USP2: variants seen among roughly 807,000 people sequenced by gnomAD.
USP2 encodes ubiquitin carboxyl-terminal hydrolase 2.
A neutral mutation model predicts 72.0 loss-of-function variants in USP2; 33 were observed. The observed-to-expected ratio is 0.46, with a 90% CI of 0.35 to 0.61. The LOEUF is 0.61. Ranked by LOEUF, USP2 falls within the 20% of genes least tolerant of loss-of-function variation. The pLI, the probability that USP2 is intolerant of heterozygous loss-of-function variation, is 0.01. For synonymous variants in USP2, 296 were observed against 312.5 expected, an observed-to-expected ratio of 0.95 and a Z score of 0.56; for missense variants, 691 against 797.8, an observed-to-expected ratio of 0.87 and a Z score of 1.61.
At chr11:119,363,924 C>T in intron 2 of USP2, 1 of 1,186,668 alleles carries the variant, frequency 8.4e-7, no homozygotes, top group Non-Finnish European at 1.1e-6. Flanking sequence ...GCGGCCGCAG[C>T]TCCTTGGCGA....
chr11:119,356,570 C>T lies in USP2; in HGVS notation c.*265G>A. 1 of 490,314 alleles carries T rather than the reference C, an allele frequency of 2.0e-6. No individual in the cohort carries two copies. The highest frequency in any genetic ancestry group is 3.6e-6 in the Non-Finnish European group (1 of 278,168). 30.4% of individuals were successfully genotyped at this position (490,314 alleles called of 1,614,324 possible). A position where few individuals can be genotyped will look rare whatever the true frequency, so the allele number is the denominator to read the frequency against. ...TTGTTTCTGACACATAGGAAGACCA[C>T]AAGTTTACAAATGCAAACGCCGAGG... On this transcript the variant is annotated 3_prime_UTR_variant, in exon 13 of 13. Coordinates refer to ENST00000260187, the MANE Select transcript of USP2 (RefSeq NM_004205.5).
At position 119,360,815 on chromosome 11, in the gene USP2, TTA is replaced by T. The variant is rs1357234794; in HGVS notation, c.775-583_775-582del. Reference sequence around the variant, plus strand: ...CTATGTATCTCCCTGCCCCCCATCTTTATGTTATTCTCTATTCTCTGCTACAG... The same window carrying T: ...CTATGTATCTCCCTGCCCCCCATCTTTGTTATTCTCTATTCTCTGCTACAG... On this transcript the variant is annotated intron_variant, in intron 2 of 12. Transcript: ENST00000260187. Among the ~76,000 whole-genome samples the T allele has an allele frequency of 3.9e-5, 6 of 152,322 alleles. No individual in the cohort carries two copies. In the East Asian group the frequency reaches 1.2e-3, roughly 29 times the overall value.
chr11:119,366,414 C>T (rs1950853335), intron 2 of USP2, among the ~76,000 whole-genome samples: 1 of 152,248 alleles, frequency 6.6e-6, no homozygotes, highest in Non-Finnish European at 1.5e-5. Context: ...CTAATTAACT[C>T]CACCCATCTC....
Position 119,357,847 on chromosome 11 carries a change from G to C in USP2, c.1423-12C>G. 1.2e-6 allele frequency: 2 copies of C among 1,613,542 alleles called. No individual in the cohort carries two copies. The highest frequency in any genetic ancestry group is 1.7e-6 in the Non-Finnish European group (2 of 1,179,604). Reference sequence around the variant, plus strand: ...CAGCGACAGCATGTCTGAGAGACAAGACAAACAGAAAGAACTTGTGGGGAA... The same window carrying C: ...CAGCGACAGCATGTCTGAGAGACAACACAAACAGAAAGAACTTGTGGGGAA... On this transcript the variant is annotated splice_polypyrimidine_tract_variant and intron_variant, in intron 9 of 12. Transcript: ENST00000260187.
In USP2 at chr11:119,373,017, G is replaced by A. The variant is rs1368829694; in HGVS notation, c.464C>T (p.Thr155Ile). 6.2e-7 allele frequency: 1 copy of A among 1,613,756 alleles called. No homozygotes were observed. The highest frequency in any genetic ancestry group is 8.5e-7 in the Non-Finnish European group (1 of 1,180,040). Residue 155 changes from threonine (T) to isoleucine (I), a missense_variant, in exon 2 of 13, where the codon ACC (threonine) becomes ATC (isoleucine). By Grantham distance (89) the Thr-to-Ile change is moderately conservative. Coordinates refer to ENST00000260187, the MANE Select transcript of USP2 (RefSeq NM_004205.5). ...GGGGTCTATCCGGTAGCTATCTGAG[G>A]TCCGGAGGCTGGAGAAATCCCGGGC... Reference protein sequence around the residue: ...DLARDFSSLRTSDSYRIDPRN... With the variant: ...DLARDFSSLRISDSYRIDPRN...
Position 119,356,018 on chromosome 11 carries a change from T to TG in USP2, c.*816dup, listed in dbSNP as rs1240721734. 1.9e-4 allele frequency: 28 copies of TG among 147,360 alleles called. No homozygotes were observed. The highest frequency in any genetic ancestry group is 6.8e-4 in the African/African-American group (27 of 39,852). The allele number at this position is 147,360 out of a possible 1,614,324, so 9.1% of individuals were successfully genotyped here. A position where few individuals can be genotyped will look rare whatever the true frequency, so the allele number is the denominator to read the frequency against. On this transcript the variant is annotated 3_prime_UTR_variant, in exon 13 of 13. Transcript: ENST00000260187. ...CCCAAATGCTATAAGGCACAATTCT[T>TG]GGAGGCAACTAAATTCCATTCAAAA... is the stretch of plus-strand genomic sequence containing the variant.
At chr11:119,364,431 GC>G (rs1305827549) in intron 2 of USP2, among the ~76,000 whole-genome samples, 2 of 152,146 alleles carry the variant, frequency 1.3e-5, no homozygotes, top group African/African-American at 4.8e-5. Context: ...CAGGACCGGA[GC>G]CCTGAGGCCC....
At chr11:119,380,333 G>A (rs1044810841) in intron 1 of USP2, among the ~76,000 whole-genome samples, 2 of 151,864 alleles carry the variant, frequency 1.3e-5, no homozygotes, top group Non-Finnish European at 2.9e-5. Context: ...AGTCCACCAA[G>A]CAGAGAAAGG....
intron 1 of USP2, among the ~76,000 whole-genome samples, chr11:119,376,557 G>T (rs1242318990): frequency 6.6e-6 from 1 of 152,268 alleles, no homozygotes; most frequent in Non-Finnish European, 1.5e-5. Context: ...GACAATGGGG[G>T]CAGTCCCCTG....
At chr11:119,365,964 G>T (rs933133635) in intron 2 of USP2, among the ~76,000 whole-genome samples, 1 of 150,460 alleles carries the variant, frequency 6.6e-6, no homozygotes, top group Admixed American at 6.6e-5. Flanking sequence ...GCACGATCTC[G>T]GCTCACTGCA....
chr11:119,377,557 A>G lies in USP2; in HGVS notation c.-42+3916T>C, dbSNP rs541532450. Reference sequence around the variant, plus strand: ...AGATGGTCCAGGAAGCCTCCATTTCACCCACTGTGCCAAGCCCCTGCATGT... The same window carrying G: ...AGATGGTCCAGGAAGCCTCCATTTCGCCCACTGTGCCAAGCCCCTGCATGT... On this transcript the variant is annotated intron_variant, in intron 1 of 12. Transcript: ENST00000260187. Among the ~76,000 whole-genome samples, 74 of 152,142 alleles carry G rather than the reference A, an allele frequency of 4.9e-4. 2 individuals carry two copies. The highest frequency in any genetic ancestry group is 1.7e-3 in the African/African-American group (70 of 41,510).
chr11:119,363,216 C>T (rs1262892984), intron 2 of USP2, among the ~76,000 whole-genome samples: 1 of 152,240 alleles, frequency 6.6e-6, no homozygotes, highest in Non-Finnish European at 1.5e-5. Context: ...GGCCCCTTCT[C>T]CCTTCCCCAG....
At position 119,355,253 on chromosome 11, in the gene USP2, C is replaced by T. The variant is rs1950634683; in HGVS notation, c.*1582G>A. ...CTATTATTTATTCTGTACAAGGTTC[C>T]ACTGTACATTAGACATTCTTCTACT... On this transcript the variant is annotated 3_prime_UTR_variant, in exon 13 of 13. Transcript: ENST00000260187. 1 of 152,182 alleles carries T rather than the reference C, an allele frequency of 6.6e-6. No homozygotes were observed. Among genetic ancestry groups the T allele is most frequent in the African/African-American group, 2.4e-5 (1 of 41,440 alleles). The allele number at this position is 152,182 out of a possible 1,614,324, so 9.4% of individuals were successfully genotyped here.
chr11:119,360,427 CTTT>C (rs1275012607), intron 2 of USP2, 193 bp from the exon 3 acceptor site: 295 of 570,956 alleles, frequency 5.2e-4, no homozygotes, highest in Middle Eastern at 1.8e-3. Flanking sequence ...CTTTTCTTTT[CTTT>C]TTTTTTTTTT....
In USP2 at chr11:119,358,140, G is replaced by T. The variant is rs1950701406; in HGVS notation, c.1341+9C>A. The T allele has an allele frequency of 6.2e-7, 1 of 1,613,946 alleles. No homozygotes were observed. Among genetic ancestry groups the T allele is most frequent in the Admixed American group, 1.7e-5 (1 of 59,990 alleles). ...GGAGTTCAACAAGGCGGGCAACTGG[G>T]GTGCATACCTTAGCAATGGGCAGTG... On this transcript the variant is annotated intron_variant, in intron 8 of 12. Coordinates refer to ENST00000260187, the MANE Select transcript of USP2 (RefSeq NM_004205.5).
In USP2 at chr11:119,356,927, G is replaced by A; in HGVS notation, c.1731-5C>T. The stretch of plus-strand genomic sequence containing the variant: ...CTGGAGGACATGGGAGTGACGCTGC[G>A]GAGAGAGCGGGGAGTCAGCCCGGAG... On this transcript the variant is annotated splice_polypyrimidine_tract_variant and splice_region_variant and intron_variant, in intron 12 of 12. Coordinates refer to ENST00000260187, the MANE Select transcript of USP2 (RefSeq NM_004205.5). The A allele has an allele frequency of 6.4e-7, 1 of 1,555,068 alleles. No homozygotes were observed. The highest frequency in any genetic ancestry group is 8.7e-7 in the Non-Finnish European group (1 of 1,149,836).
Position 119,381,484 on chromosome 11 carries a change from T to A in USP2, c.-53A>T. On this transcript the variant is annotated 5_prime_UTR_variant, in exon 1 of 13. It introduces an in-frame stop codon into an upstream open reading frame of the 5' UTR. Coordinates refer to ENST00000260187, the MANE Select transcript of USP2 (RefSeq NM_004205.5). ...CAGGTGGCACGTACCTGCCTCTTCTTGGAGTATGGACGAGTCGAACCGGGC... is the reference window on the plus strand; with the variant it reads ...CAGGTGGCACGTACCTGCCTCTTCTAGGAGTATGGACGAGTCGAACCGGGC... 1 of 1,536,114 alleles carries A rather than the reference T, an allele frequency of 6.5e-7. No homozygotes were observed. Among genetic ancestry groups the A allele is most frequent in the South Asian group, 1.2e-5 (1 of 84,058 alleles).
chr11:119,367,088 C>T (rs757168225), intron 2 of USP2, among the ~76,000 whole-genome samples: 1 of 152,136 alleles, frequency 6.6e-6, no homozygotes, highest in Non-Finnish European at 1.5e-5. Context: ...TCTGTGAGAC[C>T]CTTTCTCTTC....
At chr11:119,369,309 G>A (rs1266611461) in intron 2 of USP2, among the ~76,000 whole-genome samples, 1 of 149,408 alleles carries the variant, frequency 6.7e-6, no homozygotes, top group African/African-American at 2.4e-5. Flanking sequence ...CCCCCCGCCA[G>A]CTCTGTGCTC....
Sources: gnomAD v4.1 joint callset for allele counts (sites outside exome capture counted in the v4.1 genomes callset) on GRCh38, gnomAD v4.1.1 for gene constraint, MANE v1.5 for transcripts, NCBI Gene and HGNC (gene_info 2026-07-23, HGNC 2026-07-21) for gene names.